Variants in UPP2 observed in about 807,000 individuals in gnomAD.
UPP2 encodes uridine phosphorylase 2, also known as UPase 2.
In UPP2, 23 loss-of-function variants were observed where a neutral mutation model predicts 26.7. The observed-to-expected ratio is 0.86, with a 90% CI of 0.62 to 1.22. UPP2 has a LOEUF of 1.22. UPP2 is among the 50% of genes most tolerant of loss of function. The probability of loss-of-function intolerance (pLI) is 0.00; values close to 1 mark genes in which losing one functional copy is unlikely to be tolerated. For missense variants in UPP2, 387 were observed against 396.7 expected (o/e 0.98, Z 0.21); for synonymous variants, 127 against 141.3 (o/e 0.90, Z 0.72).
chr2:158,009,973 A>G (rs80083935), intron 2 of UPP2, among the ~76,000 whole-genome samples: 4,586 of 152,290 alleles, frequency 0.03, 216 homozygotes, highest in African/African-American at 0.1. Flanking sequence ...CCAAGGGGGG[A>G]AAAATGAGGT....
chr2:158,011,822 T>G (rs892202959), intron 2 of UPP2, among the ~76,000 whole-genome samples: 2 of 152,202 alleles, frequency 1.3e-5, no homozygotes, highest in African/African-American at 4.8e-5. Context: ...TGAAAGATTT[T>G]CTAATTGAAT....
chr2:158,118,579 AG>A (rs1413236681), intron 4 of UPP2, among the ~76,000 whole-genome samples: 1 of 151,960 alleles, frequency 6.6e-6, no homozygotes, highest in African/African-American at 2.4e-5. Flanking sequence ...TGAAGTTTTG[AG>A]GTTTCCTCAA....
intron 3 of UPP2, among the ~76,000 whole-genome samples, chr2:158,076,695 A>G (rs1682635678): frequency 6.6e-6 from 1 of 152,108 alleles, no homozygotes; most frequent in Non-Finnish European, 1.5e-5. Flanking sequence ...CATATGTGAA[A>G]GACTCACAGC....
chr2:158,092,989 C>G (rs149429750), intron 3 of UPP2, among the ~76,000 whole-genome samples: 1 of 151,976 alleles, frequency 6.6e-6, no homozygotes, highest in African/African-American at 2.4e-5. Context: ...GGCATGATCT[C>G]GGCTCACTGC....
chr2:158,127,532 C>T (rs1047022925), intron 6 of UPP2, among the ~76,000 whole-genome samples: 12 of 152,032 alleles, frequency 7.9e-5, no homozygotes, highest in Admixed American at 2.6e-4. Flanking sequence ...ACCTTTATTC[C>T]CCAGCCATAT....
chr2:158,115,098 C>T lies in UPP2; in HGVS notation c.181-3C>T. On this transcript the variant is annotated splice_region_variant and splice_polypyrimidine_tract_variant and intron_variant, in intron 2 of 6. Transcript: ENST00000005756. ...GCAGGCCCTTGTTTATTTTTATTAACAGTTTGTCTGTGTCGGTGGGAGCCC... is the reference window on the plus strand; with the variant it reads ...GCAGGCCCTTGTTTATTTTTATTAATAGTTTGTCTGTGTCGGTGGGAGCCC... 3.1e-6 allele frequency: 5 copies of T among 1,595,574 alleles called. No homozygotes were observed. The highest frequency in any genetic ancestry group is 1.1e-5 in the South Asian group (1 of 88,994).
chr2:158,107,432 G>C (rs1172843188), intron 2 of UPP2, among the ~76,000 whole-genome samples: 2 of 152,194 alleles, frequency 1.3e-5, no homozygotes, highest in Non-Finnish European at 2.9e-5. Flanking sequence ...ACACCATAGA[G>C]TGGTAGTGCT....
At chr2:158,088,691 C>A (rs1165152114) in intron 3 of UPP2, among the ~76,000 whole-genome samples, 3 of 152,200 alleles carry the variant, frequency 2.0e-5, no homozygotes, top group Non-Finnish European at 4.4e-5. Flanking sequence ...ATGTGTTGCT[C>A]TCCCCCTTCC....
chr2:158,116,443 T>C (rs1683433233), intron 3 of UPP2, among the ~76,000 whole-genome samples: 1 of 152,100 alleles, frequency 6.6e-6, no homozygotes, highest in Admixed American at 6.6e-5. Context: ...AAAACAGCAA[T>C]AGACTGATCC....
intron 2 of UPP2, among the ~76,000 whole-genome samples, chr2:158,108,399 C>G (rs188996339): frequency 6.6e-6 from 1 of 151,748 alleles, no homozygotes; most frequent in East Asian, 1.9e-4. Context: ...TAGGTTTCTC[C>G]GATAAAAAAA....
In UPP2 at chr2:158,071,537, C is replaced by T. The variant is rs552101926; in HGVS notation, c.148-30503C>T. Among the ~76,000 whole-genome samples, 24 of 102,854 alleles carry T rather than the reference C, an allele frequency of 2.3e-4. No individual in the cohort carries two copies. In the South Asian group the frequency reaches 4.1e-3, roughly 17 times the overall value. The allele number at this position is 102,854 out of a possible 152,430, so 67.5% of individuals were successfully genotyped here. On this transcript the variant is annotated intron_variant, in intron 3 of 9. Transcript: ENST00000605860. ...TTGCATTCCAGCCTGGGCAAAGAAG[C>T]GAGATTCTGTCTCAAAAAAAAAAAA...
chr2:158,073,082 T>C lies in UPP2; in HGVS notation c.148-28958T>C, dbSNP rs373449270. Among the ~76,000 whole-genome samples, 43 of 152,052 alleles carry C rather than the reference T, an allele frequency of 2.8e-4. 1 individual carries two copies. In the South Asian group the frequency reaches 3.5e-3, roughly 13 times the overall value. ...TGAGGAAGCTCAAAGAAATTCAAGGTAACAAAGAGAAGGAATTCAGAATTC... is the reference window on the plus strand; with the variant it reads ...TGAGGAAGCTCAAAGAAATTCAAGGCAACAAAGAGAAGGAATTCAGAATTC... On this transcript the variant is annotated intron_variant, in intron 3 of 9. Transcript: ENST00000605860.
At chr2:158,066,627 A>ACTC in intron 3 of UPP2, among the ~76,000 whole-genome samples, 1 of 72,982 alleles carries the variant, frequency 1.4e-5, no homozygotes. Context: ...TTAACCATTG[A>ACTC]TTCTTTTTTT....
At chr2:158,047,130 A>G (rs1434539617) in intron 3 of UPP2, among the ~76,000 whole-genome samples, 1 of 151,928 alleles carries the variant, frequency 6.6e-6, no homozygotes, top group Non-Finnish European at 1.5e-5. Context: ...TGTGTATCTC[A>G]TGTTGCATTT....
intron 2 of UPP2, among the ~76,000 whole-genome samples, chr2:158,004,605 C>T (rs548675440): frequency 6.6e-6 from 1 of 152,180 alleles, no homozygotes; most frequent in Non-Finnish European, 1.5e-5. Context: ...CAGGCTCTCC[C>T]CTCATGAAGC....
chr2:158,087,750 A>G (rs1349790808), intron 3 of UPP2, among the ~76,000 whole-genome samples: 1 of 150,850 alleles, frequency 6.6e-6, no homozygotes, highest in African/African-American at 2.5e-5. Context: ...TTCATTTATG[A>G]AGTTTAGTTT....
chr2:158,015,166 T>G (rs1416869014), intron 2 of UPP2, among the ~76,000 whole-genome samples: 1 of 152,206 alleles, frequency 6.6e-6, no homozygotes, highest in Non-Finnish European at 1.5e-5. Context: ...ATTCACATTC[T>G]TGTTAAACAG....
At chr2:158,035,966 A>G (rs780671769) in intron 3 of UPP2, among the ~76,000 whole-genome samples, 1 of 152,172 alleles carries the variant, frequency 6.6e-6, no homozygotes, top group Non-Finnish European at 1.5e-5. Flanking sequence ...GATTGTGTCA[A>G]ATAGTTGGCC....
chr2:158,046,046 G>A (rs1209443393), intron 3 of UPP2, among the ~76,000 whole-genome samples: 1 of 152,080 alleles, frequency 6.6e-6, no homozygotes, highest in African/African-American at 2.4e-5. Flanking sequence ...TGACAGAGAA[G>A]GAAAAGAAAT....
Sources: gnomAD v4.1 joint callset for allele counts (sites outside exome capture counted in the v4.1 genomes callset) on GRCh38, gnomAD v4.1.1 for gene constraint, MANE v1.5 for transcripts, NCBI Gene and HGNC (gene_info 2026-07-23, HGNC 2026-07-21) for gene names.